Variants in ARHGAP22 observed in about 807,000 individuals in gnomAD.
ARHGAP22 encodes Rho GTPase activating protein 22.
In ARHGAP22, 48 loss-of-function variants were observed where a neutral mutation model predicts 59.1. The observed-to-expected ratio is 0.81, with a 90% confidence interval of 0.64 to 1.03. The LOEUF (loss-of-function observed/expected upper bound fraction) is 1.03. Among genes scored for constraint, ARHGAP22 ranks in the 50% least tolerant of loss-of-function variants. ARHGAP22 has a pLI of 0.00. For synonymous variants in ARHGAP22, 445 were observed against 416.4 expected, an observed-to-expected ratio of 1.07 and a Z score of -0.84; for missense variants, 1,015 against 958.7, an observed-to-expected ratio of 1.06 and a Z score of -0.78.
chr10:48,463,998 C>T (rs1187784976), intron 4 of ARHGAP22, among the ~76,000 whole-genome samples: 1 of 152,206 alleles, frequency 6.6e-6, no homozygotes. Context: ...GGTAATTCCA[C>T]CCAGCCATCT....
chr10:48,446,340 C>T lies in ARHGAP22; in HGVS notation c.*51G>A. 6 of 1,597,038 alleles carry T rather than the reference C, an allele frequency of 3.8e-6. No individual in the cohort carries two copies. Among genetic ancestry groups the T allele is most frequent in the Non-Finnish European group, 5.1e-6 (6 of 1,167,538 alleles). ...AGATACAGACGCTTCTAACTCCATA[C>T]AAGGCTGGAGACCAGCAGACGTGGT... On this transcript the variant is annotated 3_prime_UTR_variant, in exon 10 of 10. Coordinates refer to ENST00000249601, the MANE Select transcript of ARHGAP22 (RefSeq NM_021226.4).
chr10:48,531,002 C>T (rs967141473), intron 3 of ARHGAP22, among the ~76,000 whole-genome samples: 2 of 152,130 alleles, frequency 1.3e-5, no homozygotes, highest in African/African-American at 4.8e-5. Flanking sequence ...TTCGCTATTA[C>T]AAAAATATAG....
intron 3 of ARHGAP22, among the ~76,000 whole-genome samples, chr10:48,499,558 G>A (rs535051824): frequency 2.6e-5 from 4 of 152,354 alleles, no homozygotes; most frequent in South Asian, 4.1e-4. Context: ...ATACAGGCAC[G>A]TCTAATGAAG....
At chr10:48,509,816 G>A (rs942818952) in intron 3 of ARHGAP22, among the ~76,000 whole-genome samples, 2 of 152,190 alleles carry the variant, frequency 1.3e-5, no homozygotes, top group Non-Finnish European at 2.9e-5. Flanking sequence ...CGCCCGACGA[G>A]TCATGGAGGA....
intron 1 of ARHGAP22, among the ~76,000 whole-genome samples, chr10:48,618,261 C>T (rs980017466): frequency 1.1e-4 from 17 of 152,034 alleles, no homozygotes; most frequent in Non-Finnish European, 2.1e-4. Context: ...TTCTACCAAA[C>T]ATTTAAAGAA....
intron 4 of ARHGAP22, among the ~76,000 whole-genome samples, chr10:48,463,961 A>G (rs2047402497): frequency 6.6e-6 from 1 of 152,010 alleles, no homozygotes; most frequent in Non-Finnish European, 1.5e-5. Context: ...AAATTCCAAA[A>G]TTCTCTCTGG....
intron 3 of ARHGAP22, among the ~76,000 whole-genome samples, chr10:48,535,798 G>A (rs927969634): frequency 2.0e-5 from 3 of 152,224 alleles, no homozygotes; most frequent in Admixed American, 6.5e-5. Flanking sequence ...TGTGGACAAC[G>A]AATGGGGTAG....
intron 3 of ARHGAP22, among the ~76,000 whole-genome samples, chr10:48,483,497 A>G (rs1287325906): frequency 2.6e-5 from 4 of 152,178 alleles, no homozygotes; most frequent in African/African-American, 9.7e-5. Context: ...GTTTTCCATA[A>G]TGACTGTGTT....
At chr10:48,627,536 T>C (rs1392813836) in intron 1 of ARHGAP22, among the ~76,000 whole-genome samples, 1 of 152,232 alleles carries the variant, frequency 6.6e-6, no homozygotes, top group Non-Finnish European at 1.5e-5. Flanking sequence ...GGGCAGGGCC[T>C]GTCCCATTCC....
At chr10:48,637,601 G>C (rs534529504) in intron 1 of ARHGAP22, among the ~76,000 whole-genome samples, 1 of 152,096 alleles carries the variant, frequency 6.6e-6, no homozygotes, top group Admixed American at 6.5e-5. Flanking sequence ...AATGGTGGAT[G>C]GGTGGGTGAA....
chr10:48,548,002 G>A (rs1219857580), intron 3 of ARHGAP22, among the ~76,000 whole-genome samples: 1 of 152,240 alleles, frequency 6.6e-6, no homozygotes, highest in Non-Finnish European at 1.5e-5. Context: ...AGTCTTGGGA[G>A]GGCTGGTCCA....
chr10:48,637,561 T>C (rs1213664369), intron 1 of ARHGAP22, among the ~76,000 whole-genome samples: 1 of 151,294 alleles, frequency 6.6e-6, no homozygotes, highest in Non-Finnish European at 1.5e-5. Context: ...GATGGGTAAA[T>C]GGATGGATGG....
chr10:48,587,775 G>A (rs1021790597), intron 1 of ARHGAP22, among the ~76,000 whole-genome samples: 1 of 152,174 alleles, frequency 6.6e-6, no homozygotes, highest in East Asian at 1.9e-4. Context: ...CCTGAAGCTG[G>A]TTCATTAAAT....
At chr10:48,533,244 G>A (rs952016615) in intron 3 of ARHGAP22, among the ~76,000 whole-genome samples, 51 of 133,166 alleles carry the variant, frequency 3.8e-4, no homozygotes, top group African/African-American at 1.3e-3. Context: ...CTCTTTTTCT[G>A]TTTGAAGCAA....
At position 48,604,895 on chromosome 10, in the gene ARHGAP22, G is replaced by A. The variant is rs1364933540; in HGVS notation, c.-99C>T. ...CCTAGTCGCCCCTCATGTCCTGCTC[G>A]TTCGGGGCCCCGTGGCCGCTGGCGT... On this transcript the variant is annotated 5_prime_UTR_variant, in exon 1 of 10. It adds an upstream start codon to the 5' untranslated region. Transcript: ENST00000249601. The A allele has an allele frequency of 1.3e-6, 2 of 1,594,040 alleles. No individual in the cohort carries two copies. The highest frequency in any genetic ancestry group is 1.7e-6 in the Non-Finnish European group (2 of 1,172,024).
chr10:48,437,119 C>T, the ARHGAP22 span: 2 of 152,136 alleles, frequency 1.3e-5, no homozygotes, highest in African/African-American at 4.8e-5. Context: ...TTGTAAATGC[C>T]AGCTGCCACT....
intron 4 of ARHGAP22, 154 bp downstream of exon 4, chr10:48,479,482 G>C: frequency 7.1e-7 from 1 of 1,413,052 alleles, no homozygotes. Context: ...ACTCCCGAGG[G>C]CTGGCAGTGG....
chr10:48,577,801 G>GTTTTTTTTTTTT (rs34557935), intron 2 of ARHGAP22, among the ~76,000 whole-genome samples: 1,102 of 59,204 alleles, frequency 0.019, 206 homozygotes, highest in East Asian at 0.069. Context: ...CTCTTTTTTG[G>GTTTTTTTTTTTT]TTTTTTTTTT....
intron 3 of ARHGAP22, among the ~76,000 whole-genome samples, chr10:48,523,261 G>A (rs1476181656): frequency 6.6e-6 from 1 of 152,344 alleles, no homozygotes; most frequent in South Asian, 2.1e-4. Context: ...GCAGGCCAGG[G>A]TGGGGCCTGG....
Sources: gnomAD v4.1 joint callset for allele counts (sites outside exome capture counted in the v4.1 genomes callset) on GRCh38, gnomAD v4.1.1 for gene constraint, MANE v1.5 for transcripts, NCBI Gene and HGNC (gene_info 2026-07-23, HGNC 2026-07-21) for gene names.